OR6C76: variants seen among roughly 807,000 people sequenced by gnomAD.
OR6C76 encodes olfactory receptor family 6 subfamily C member 76, also known as olfactory receptor 6C76.
For missense variants in OR6C76, 352 were observed against 357.3 expected, an observed-to-expected ratio of 0.99 and a Z score of 0.12; for synonymous variants, 140 against 137.8, an observed-to-expected ratio of 1.02 and a Z score of -0.11.
rs777097256 is a variant in OR6C76, at chr12:55,426,504, CAG to C, written c.252_253del (p.Asp86GlnfsTer6). ...CCTAGATTTCTGATCAGCATTCTAA[CAG>C]GGGACAAATCCATATCTTATAATGC... is the stretch of plus-strand genomic sequence containing the variant. On this transcript the variant is annotated frameshift_variant, in exon 1 of 1. Transcript: ENST00000328314. LOFTEE classifies it low-confidence loss of function (END_TRUNC). 6.4e-4 allele frequency: 1,036 copies of C among 1,613,812 alleles called. No individual in the cohort carries two copies. Among genetic ancestry groups the C allele is most frequent in the Non-Finnish European group, 8.0e-4 (938 of 1,179,798 alleles).
At position 55,427,115 on chromosome 12, in the gene OR6C76, A is replaced by G. The variant is rs1209080200; in HGVS notation, c.862A>G (p.Thr288Ala). ...VAPMLNPFIYTLRNQQVKQAF... is the reference protein window; with the variant it reads ...VAPMLNPFIYALRNQQVKQAF... ...TCCTATGCTGAATCCATTTATTTAC[A>G]CTCTAAGAAACCAGCAGGTGAAACA... is the stretch of plus-strand genomic sequence containing the variant. The change falls in exon 1 of 1, where the codon ACT becomes GCT. Residue 288 changes from threonine (T) to alanine (A), a missense_variant. Transcript: ENST00000328314. 6.2e-7 allele frequency: 1 copy of G among 1,607,646 alleles called. No individual in the cohort carries two copies. Among genetic ancestry groups the G allele is most frequent in the African/African-American group, 1.3e-5 (1 of 74,230 alleles).
At position 55,427,169 on chromosome 12, in the gene OR6C76, T is replaced by G. The variant is rs766020727; in HGVS notation, c.916T>G (p.Ser306Ala). 1.3e-6 allele frequency: 2 copies of G among 1,522,818 alleles called. No homozygotes were observed. Among genetic ancestry groups the G allele is most frequent in the Non-Finnish European group, 1.8e-6 (2 of 1,136,382 alleles). The allele number at this position is 1,522,818 out of a possible 1,614,324, so 94.3% of individuals were successfully genotyped here. Residue 306 changes from serine (S) to alanine (A), a missense_variant, in exon 1 of 1, where the codon TCC (serine) becomes GCC (alanine). Physicochemically the swap from Ser to Ala is moderately conservative, Grantham distance 99 (BLOSUM62 1). Coordinates refer to ENST00000328314, the MANE Select transcript of OR6C76 (RefSeq NM_001005183.1). Reference protein sequence around the residue: ...QAFKDVLRKISHKKKKH With the variant: ...QAFKDVLRKIAHKKKKH The stretch of plus-strand genomic sequence containing the variant: ...ATTTAAGGATGTTCTGAGAAAGATT[T>G]CCCACAAAAAAAAAAAACACTGATT...
At position 55,426,498 on chromosome 12, in the gene OR6C76, T is replaced by G. The variant is rs1289942798; in HGVS notation, c.245T>G (p.Ile82Ser). Residue 82 changes from isoleucine (I) to serine (S), a missense_variant, in exon 1 of 1, where the codon ATT (isoleucine) becomes AGT (serine). By Grantham distance (142) the Ile-to-Ser change is moderately radical. Coordinates refer to ENST00000328314, the MANE Select transcript of OR6C76 (RefSeq NM_001005183.1). ...TGTAATCCTAGATTTCTGATCAGCA[T>G]TCTAACAGGGGACAAATCCATATCT... ...SVCNPRFLIS[I>S]LTGDKSISYN... 6.2e-7 allele frequency: 1 copy of G among 1,613,730 alleles called. No homozygotes were observed. Among genetic ancestry groups the G allele is most frequent in the Non-Finnish European group, 8.5e-7 (1 of 1,179,830 alleles).
Position 55,426,987 on chromosome 12 carries a change from T to C in OR6C76, c.734T>C (p.Val245Ala). Reference sequence around the variant, plus strand: ...ACCTGCTCCTCACATGTGATTGTTGTCTCTATCTCTTATGGAAGCTGCATC... The same window carrying C: ...ACCTGCTCCTCACATGTGATTGTTGCCTCTATCTCTTATGGAAGCTGCATC... ...FSTCSSHVIV[V>A]SISYGSCIFM... The change falls in exon 1 of 1, where the codon GTC (valine) becomes GCC (alanine). Residue 245 changes from valine (V) to alanine (A), a missense_variant. Physicochemically the swap from Val to Ala is moderately conservative, Grantham distance 64 (BLOSUM62 0). Transcript: ENST00000328314. The C allele has an allele frequency of 6.2e-7, 1 of 1,613,552 alleles. No homozygotes were observed. Among genetic ancestry groups the C allele is most frequent in the South Asian group, 1.1e-5 (1 of 91,048 alleles).
At position 55,427,163 on chromosome 12, in the gene OR6C76, A is replaced by G; in HGVS notation, c.910A>G (p.Lys304Glu). Reference sequence around the variant, plus strand: ...ACAAGCATTTAAGGATGTTCTGAGAAAGATTTCCCACAAAAAAAAAAAACA... The same window carrying G: ...ACAAGCATTTAAGGATGTTCTGAGAGAGATTTCCCACAAAAAAAAAAAACA... ...VKQAFKDVLR[K>E]ISHKKKKH Residue 304 changes from lysine to glutamate, a missense_variant, in exon 1 of 1, where the codon AAG (lysine) becomes GAG (glutamate). By Grantham distance (56) the Lys-to-Glu change is moderately conservative. Coordinates refer to ENST00000328314, the MANE Select transcript of OR6C76 (RefSeq NM_001005183.1). The G allele has an allele frequency of 6.5e-7, 1 of 1,544,772 alleles. No individual in the cohort carries two copies. Among genetic ancestry groups the G allele is most frequent in the Non-Finnish European group, 8.7e-7 (1 of 1,148,016 alleles).
Position 55,426,605 on chromosome 12 carries a change from G to A in OR6C76, c.352G>A (p.Asp118Asn), listed in dbSNP as rs572617859. Reference protein sequence around the residue: ...EFFLLASMSYDCYVAICKPLH... With the variant: ...EFFLLASMSYNCYVAICKPLH... ...TTTCCTCCTGGCCTCTATGTCCTAT[G>A]ATTGCTATGTGGCTATATGTAAGCC... Residue 118 changes from aspartate to asparagine, a missense_variant, in exon 1 of 1, where the codon GAT becomes AAT. By Grantham distance (23) the Asp-to-Asn change is conservative (BLOSUM62 1). Coordinates refer to ENST00000328314, the MANE Select transcript of OR6C76 (RefSeq NM_001005183.1). The A allele has an allele frequency of 1.4e-5, 22 of 1,613,712 alleles. No homozygotes were observed. The South Asian group carries it at 2.1e-4, about 15-fold the overall frequency.
At position 55,426,990 on chromosome 12, in the gene OR6C76, C is replaced by T; in HGVS notation, c.737C>T (p.Ser246Phe). 6.2e-7 allele frequency: 1 copy of T among 1,613,588 alleles called. No homozygotes were observed. The highest frequency in any genetic ancestry group is 8.5e-7 in the Non-Finnish European group (1 of 1,179,742). The change falls in exon 1 of 1, where the codon TCT becomes TTT. Residue 246 changes from serine to phenylalanine, a missense_variant. By Grantham distance (155) the Ser-to-Phe change is radical. Coordinates refer to ENST00000328314, the MANE Select transcript of OR6C76 (RefSeq NM_001005183.1). Reference protein sequence around the residue: ...STCSSHVIVVSISYGSCIFMY... With the variant: ...STCSSHVIVVFISYGSCIFMY... ...TGCTCCTCACATGTGATTGTTGTCTCTATCTCTTATGGAAGCTGCATCTTC... is the reference window on the plus strand; with the variant it reads ...TGCTCCTCACATGTGATTGTTGTCTTTATCTCTTATGGAAGCTGCATCTTC...
At position 55,426,603 on chromosome 12, in the gene OR6C76, A is replaced by G. The variant is rs764582593; in HGVS notation, c.350A>G (p.Tyr117Cys). ...TEFFLLASMSYDCYVAICKPL... is the reference protein window; with the variant it reads ...TEFFLLASMSCDCYVAICKPL... The stretch of plus-strand genomic sequence containing the variant: ...TTTTTCCTCCTGGCCTCTATGTCCT[A>G]TGATTGCTATGTGGCTATATGTAAG... Residue 117 changes from tyrosine to cysteine, a missense_variant, in exon 1 of 1, where the codon TAT becomes TGT. By Grantham distance (194) the Tyr-to-Cys change is radical (BLOSUM62 -2). Coordinates refer to ENST00000328314, the MANE Select transcript of OR6C76 (RefSeq NM_001005183.1). The G allele has an allele frequency of 4.3e-6, 7 of 1,613,578 alleles. No individual in the cohort carries two copies. The highest frequency in any genetic ancestry group is 2.2e-5 in the East Asian group (1 of 44,880).
Position 55,426,559 on chromosome 12 carries a change from C to G in OR6C76, c.306C>G (p.Ile102Met). The G allele has an allele frequency of 6.2e-7, 1 of 1,613,832 alleles. No individual in the cohort carries two copies. The highest frequency in any genetic ancestry group is 8.5e-7 in the Non-Finnish European group (1 of 1,179,830). ...GTGCAGCTCAGCTATTTTTCTTTAT[C>G]TTCCTTGGCTCAACGGAGTTTTTCC... ...NACAAQLFFF[I>M]FLGSTEFFLL... is the part of the protein sequence containing the mutation. The change falls in exon 1 of 1, where the codon ATC becomes ATG. Residue 102 changes from isoleucine (I) to methionine (M), a missense_variant. Physicochemically the swap from Ile to Met is conservative, Grantham distance 10. Transcript: ENST00000328314.
chr12:55,427,057 A>C lies in OR6C76; in HGVS notation c.804A>C (p.Thr268=). Residue 268 remains threonine, a synonymous_variant, in exon 1 of 1, where the codon ACA becomes ACC. Transcript: ENST00000328314. The stretch of plus-strand genomic sequence containing the variant: ...CAGCAAAGGAAGGAGTTGCTTTGAC[A>C]AAAGGAGTAGCTATACTCAATACCT... The part of the protein sequence containing the change: ...KTSAKEGVAL[T]KGVAILNTSV... The C allele has an allele frequency of 1.2e-6, 2 of 1,613,388 alleles. No individual in the cohort carries two copies. Among genetic ancestry groups the C allele is most frequent in the Non-Finnish European group, 1.7e-6 (2 of 1,179,602 alleles).
In OR6C76 at chr12:55,427,017, T is replaced by G. The variant is rs567537781; in HGVS notation, c.764T>G (p.Met255Arg). The change falls in exon 1 of 1, where the codon ATG (methionine) becomes AGG (arginine). Residue 255 changes from methionine to arginine, a missense_variant. By Grantham distance (91) the Met-to-Arg change is moderately conservative. Transcript: ENST00000328314. ...VSISYGSCIF[M>R]YVKTSAKEGV... ...ATCTCTTATGGAAGCTGCATCTTCA[T>G]GTATGTGAAAACATCAGCAAAGGAA... is the stretch of plus-strand genomic sequence containing the variant. 96 of 1,613,664 alleles carry G rather than the reference T, an allele frequency of 5.9e-5. 2 individuals are homozygous for G. The South Asian group carries it at 1.0e-3, about 17-fold the overall frequency.
chr12:55,426,584 C>T lies in OR6C76; in HGVS notation c.331C>T (p.Leu111Phe). Residue 111 changes from leucine (L) to phenylalanine (F), a missense_variant, in exon 1 of 1, where the codon CTC becomes TTC. Leu to Phe is a conservative substitution (Grantham distance 22). Coordinates refer to ENST00000328314, the MANE Select transcript of OR6C76 (RefSeq NM_001005183.1). Reference protein sequence around the residue: ...FIFLGSTEFFLLASMSYDCYV... With the variant: ...FIFLGSTEFFFLASMSYDCYV... Reference sequence around the variant, plus strand: ...CTTCCTTGGCTCAACGGAGTTTTTCCTCCTGGCCTCTATGTCCTATGATTG... The same window carrying T: ...CTTCCTTGGCTCAACGGAGTTTTTCTTCCTGGCCTCTATGTCCTATGATTG... 2 of 1,613,802 alleles carry T rather than the reference C, an allele frequency of 1.2e-6. No homozygotes were observed. Among genetic ancestry groups the T allele is most frequent in the Non-Finnish European group, 1.7e-6 (2 of 1,179,842 alleles).
Position 55,426,502 on chromosome 12 carries a change from A to G in OR6C76, c.249A>G (p.Leu83=), listed in dbSNP as rs2120641947. 1 of 1,613,844 alleles carries G rather than the reference A, an allele frequency of 6.2e-7. No homozygotes were observed. Among genetic ancestry groups the G allele is most frequent in the East Asian group, 2.2e-5 (1 of 44,876 alleles). ...VCNPRFLISI[L]TGDKSISYNA... ...ATCCTAGATTTCTGATCAGCATTCT[A>G]ACAGGGGACAAATCCATATCTTATA... The change falls in exon 1 of 1, where the codon CTA becomes CTG. Residue 83 remains leucine, a synonymous_variant. Coordinates refer to ENST00000328314, the MANE Select transcript of OR6C76 (RefSeq NM_001005183.1).
chr12:55,426,931 C>G lies in OR6C76; in HGVS notation c.678C>G (p.Pro226=). Residue 226 remains proline, a synonymous_variant, in exon 1 of 1, where the codon CCC becomes CCG. Transcript: ENST00000328314. ...TYIIRTILRI[P]SAQQRKKAFS... ...TCATCAGAACTATTCTGAGAATCCC[C>G]TCAGCACAGCAAAGAAAAAAAGCCT... 1 of 1,613,512 alleles carries G rather than the reference C, an allele frequency of 6.2e-7. No homozygotes were observed. Among genetic ancestry groups the G allele is most frequent in the Non-Finnish European group, 8.5e-7 (1 of 1,179,736 alleles).
chr12:55,427,010 A>C lies in OR6C76; in HGVS notation c.757A>C (p.Ile253Leu), dbSNP rs115849554. 3.3e-5 allele frequency: 54 copies of C among 1,613,604 alleles called. No individual in the cohort carries two copies. In the African/African-American group the frequency reaches 6.5e-4, roughly 20 times the overall value. Residue 253 changes from isoleucine (I) to leucine (L), a missense_variant, in exon 1 of 1, where the codon ATC (isoleucine) becomes CTC (leucine). Transcript: ENST00000328314. ...TGTCTCTATCTCTTATGGAAGCTGC[A>C]TCTTCATGTATGTGAAAACATCAGC... ...IVVSISYGSC[I>L]FMYVKTSAKE... is the part of the protein sequence containing the mutation.
Position 55,426,743 on chromosome 12 carries a change from G to C in OR6C76, c.490G>C (p.Asp164His). 6.2e-7 allele frequency: 1 copy of C among 1,613,214 alleles called. No homozygotes were observed. The highest frequency in any genetic ancestry group is 1.7e-4 in the Middle Eastern group (1 of 6,060). Residue 164 changes from aspartate (D) to histidine (H), a missense_variant, in exon 1 of 1, where the codon GAT becomes CAT. Physicochemically the swap from Asp to His is moderately conservative, Grantham distance 81 (BLOSUM62 -1). Coordinates refer to ENST00000328314, the MANE Select transcript of OR6C76 (RefSeq NM_001005183.1). The part of the protein sequence containing the change: ...FPPLAMGLQL[D>H]FCDSNVIDHF... ...ACCACTGGCCATGGGCTTACAGCTG[G>C]ATTTCTGTGACTCCAATGTCATTGA...
chr12:55,426,582 TCCTCCTGG>T lies in OR6C76; in HGVS notation c.334_341del (p.Leu112TyrfsTer4). The T allele has an allele frequency of 6.2e-7, 1 of 1,613,882 alleles. No homozygotes were observed. The highest frequency in any genetic ancestry group is 8.5e-7 in the Non-Finnish European group (1 of 1,179,844). ...ATCTTCCTTGGCTCAACGGAGTTTTTCCTCCTGGCCTCTATGTCCTATGATTGCTATGT... is the reference window on the plus strand; with the variant it reads ...ATCTTCCTTGGCTCAACGGAGTTTTTCCTCTATGTCCTATGATTGCTATGT... On this transcript the variant is annotated frameshift_variant, in exon 1 of 1. Transcript: ENST00000328314. LOFTEE classifies it low-confidence loss of function (END_TRUNC).
Position 55,426,320 on chromosome 12 carries a change from G to A in OR6C76, c.67G>A (p.Val23Ile), listed in dbSNP as rs74092309. ...TCTGACGGATAATCCGCAACTGCAG[G>A]TTGTGATTTTCTCGTTCCTATTTCT... The part of the protein sequence containing the change: ...LGLTDNPQLQ[V>I]VIFSFLFLTY... The change falls in exon 1 of 1, where the codon GTT becomes ATT. Residue 23 changes from valine (V) to isoleucine (I), a missense_variant. Coordinates refer to ENST00000328314, the MANE Select transcript of OR6C76 (RefSeq NM_001005183.1). 7,256 of 1,613,366 alleles carry A rather than the reference G, an allele frequency of 4.5e-3. 187 individuals carry two copies. The African/African-American group carries it at 0.049, about 11-fold the overall frequency.
Position 55,426,520 on chromosome 12 carries a change from A to T in OR6C76, c.267A>T (p.Ile89=), listed in dbSNP as rs1261543547. The T allele has an allele frequency of 1.2e-6, 2 of 1,613,878 alleles. No homozygotes were observed. The highest frequency in any genetic ancestry group is 1.7e-6 in the Non-Finnish European group (2 of 1,179,854). ...LISILTGDKS[I]SYNACAAQLF... ...GCATTCTAACAGGGGACAAATCCAT[A>T]TCTTATAATGCTTGTGCAGCTCAGC... Residue 89 remains isoleucine (I), a synonymous_variant, in exon 1 of 1, where the codon ATA becomes ATT. Transcript: ENST00000328314.
Sources: gnomAD v4.1 joint callset for allele counts on GRCh38, gnomAD v4.1.1 for gene constraint, MANE v1.5 for transcripts, NCBI Gene and HGNC (gene_info 2026-07-23, HGNC 2026-07-21) for gene names.